FGF14: variants seen among roughly 807,000 people sequenced by gnomAD.
FGF14 encodes fibroblast growth factor homologous factor 4.
Under a neutral mutation model 25.5 loss-of-function variants are expected in FGF14, and 5 were observed. The ratio of observed to expected loss-of-function variants is 0.20; its 90% CI spans 0.10 to 0.41. FGF14 has a LOEUF of 0.41. Among genes scored for constraint, FGF14 ranks in the 10% least tolerant of loss-of-function variants. The pLI is 1.00. For missense variants in FGF14, 222 were observed against 320.1 expected (o/e 0.69, Z 2.34); for synonymous variants, 138 against 118.3 (o/e 1.17, Z -1.08).
intron 3 of FGF14, among the ~76,000 whole-genome samples, chr13:101,859,572 C>T (rs1404203589): frequency 2.0e-5 from 3 of 152,126 alleles, no homozygotes; most frequent in African/African-American, 7.2e-5. Flanking sequence ...TACTCCTCAG[C>T]ATATATTTAA....
At chr13:102,097,282 C>A (rs1289521020) in intron 1 of FGF14, among the ~76,000 whole-genome samples, 1 of 152,114 alleles carries the variant, frequency 6.6e-6, no homozygotes, top group Non-Finnish European at 1.5e-5. Context: ...GCAGAAAGAT[C>A]CAGAATTCAA....
chr13:101,889,739 G>A (rs1302157901), intron 1 of FGF14, among the ~76,000 whole-genome samples: 1 of 152,180 alleles, frequency 6.6e-6, no homozygotes, highest in Non-Finnish European at 1.5e-5. Flanking sequence ...TGCAATACAT[G>A]AAGAAAATCT....
chr13:102,202,662 C>A (rs1439164837), intron 1 of FGF14, among the ~76,000 whole-genome samples: 1 of 152,178 alleles, frequency 6.6e-6, no homozygotes, highest in Admixed American at 6.5e-5. Flanking sequence ...ATAATGAGAG[C>A]CTTCTCATCT....
intron 1 of FGF14, chr13:102,293,932 A>C (rs2054561506): frequency 6.6e-6 from 1 of 152,182 alleles, no homozygotes; most frequent in Admixed American, 6.6e-5. Context: ...ATGATACAAT[A>C]ATACACAAAT....
intron 1 of FGF14, among the ~76,000 whole-genome samples, chr13:102,184,122 C>T (rs2048787035): frequency 6.6e-6 from 1 of 152,122 alleles, no homozygotes; most frequent in South Asian, 2.1e-4. Context: ...CTGCTGTACT[C>T]GTAGACACAC....
chr13:102,061,822 C>T (rs2042701675), intron 1 of FGF14, among the ~76,000 whole-genome samples: 2 of 152,150 alleles, frequency 1.3e-5, no homozygotes, highest in Admixed American at 1.3e-4. Flanking sequence ...CTAGGGCACA[C>T]GGAGAGATCA....
intron 1 of FGF14, among the ~76,000 whole-genome samples, chr13:102,215,977 A>G (rs549360646): frequency 2.0e-5 from 3 of 152,350 alleles, no homozygotes; most frequent in African/African-American, 7.2e-5. Flanking sequence ...TAGATCCAGA[A>G]ATGTGAAATG....
chr13:102,104,391 A>G (rs1481237836), intron 1 of FGF14, among the ~76,000 whole-genome samples: 2 of 152,242 alleles, frequency 1.3e-5, no homozygotes, highest in African/African-American at 4.8e-5. Flanking sequence ...AAACCACAGT[A>G]TAACTTGCCA....
At chr13:102,223,149 C>T (rs1337409992) in intron 1 of FGF14, among the ~76,000 whole-genome samples, 6 of 152,142 alleles carry the variant, frequency 3.9e-5, no homozygotes, top group Admixed American at 3.3e-4. Flanking sequence ...GCTAAAGTCA[C>T]AAGTTCACAC....
intron 1 of FGF14, among the ~76,000 whole-genome samples, chr13:102,252,985 C>A (rs536660944): frequency 6.6e-6 from 1 of 152,300 alleles, no homozygotes; most frequent in Middle Eastern, 3.4e-3. Context: ...CATGTCCCTG[C>A]AAAGGACAAG....
At chr13:102,122,043 G>T (rs535504785) in intron 1 of FGF14, among the ~76,000 whole-genome samples, 1 of 152,156 alleles carries the variant, frequency 6.6e-6, no homozygotes. Flanking sequence ...TATTGTTTGT[G>T]ATTACACAAA....
chr13:102,048,007 T>G lies in FGF14; in HGVS notation c.209-172711A>C, dbSNP rs180834021. 2.5e-3 allele frequency among the ~76,000 whole-genome samples: 379 copies of G among 151,144 alleles called. 2 individuals carry two copies. The highest frequency in any genetic ancestry group is 2.9e-3 in the Non-Finnish European group (198 of 67,888). On this transcript the variant is annotated intron_variant, in intron 1 of 4. Coordinates refer to the FGF14 transcript ENST00000376131. Reference sequence around the variant, plus strand: ...GAGACTTTCTAAGCCCGGTTTATTATCTTAGTTGTTTAAAAAAAAAAAAAG... The same window carrying G: ...GAGACTTTCTAAGCCCGGTTTATTAGCTTAGTTGTTTAAAAAAAAAAAAAG...
rs532730454 is a variant in FGF14 at position 101,757,197 on chromosome 13, G to C, written c.409-30387C>G. Among the ~76,000 whole-genome samples, 28 of 152,034 alleles carry C rather than the reference G, an allele frequency of 1.8e-4. 1 individual carries two copies. In the South Asian group the frequency reaches 4.6e-3, roughly 25 times the overall value. On this transcript the variant is annotated intron_variant, in intron 3 of 4. Transcript: ENST00000376143. The stretch of plus-strand genomic sequence containing the variant: ...CATTTGGATTTTCTTTTTCTCCTTT[G>C]GTATCTAGAGAATATGTTTGTCTTA...
At chr13:101,852,145 T>C (rs1461237646) in intron 3 of FGF14, among the ~76,000 whole-genome samples, 1 of 152,134 alleles carries the variant, frequency 6.6e-6, no homozygotes, top group Non-Finnish European at 1.5e-5. Context: ...TTTACTAAAA[T>C]AATTACATCA....
intron 1 of FGF14, among the ~76,000 whole-genome samples, chr13:102,386,534 G>T (rs896356756): frequency 7.9e-5 from 12 of 152,122 alleles, no homozygotes; most frequent in African/African-American, 2.9e-4. Flanking sequence ...ACACTAAAAG[G>T]AAAAAGCATA....
rs147075546 is a variant in FGF14, at chr13:102,352,540, C to T, written c.208+48931G>A. On this transcript the variant is annotated intron_variant, in intron 1 of 4. Transcript: ENST00000376131. ...AAGATGTTAAGATATTGGCCGGGCG[C>T]GGTGGCTCACGCCTGTAATCCCAGC... 9.1e-3 allele frequency among the ~76,000 whole-genome samples: 1,390 copies of T among 152,198 alleles called. 20 individuals are homozygous for T. The highest frequency in any genetic ancestry group is 0.032 in the African/African-American group (1,322 of 41,512).
intron 1 of FGF14, among the ~76,000 whole-genome samples, chr13:102,192,440 T>G (rs1347555383): frequency 6.6e-6 from 1 of 152,216 alleles, no homozygotes; most frequent in East Asian, 1.9e-4. Context: ...TCCTGTTGTC[T>G]TCACCACAGG....
chr13:102,071,987 G>GA (rs1197865281), intron 1 of FGF14, among the ~76,000 whole-genome samples: 1 of 152,104 alleles, frequency 6.6e-6, no homozygotes, highest in Admixed American at 6.6e-5. Context: ...AAAGTAAATG[G>GA]AAAATATAAA....
At chr13:101,968,424 A>G (rs1278609347) in intron 1 of FGF14, among the ~76,000 whole-genome samples, 1 of 152,164 alleles carries the variant, frequency 6.6e-6, no homozygotes, top group Non-Finnish European at 1.5e-5. Context: ...CTGTAATCCC[A>G]GCACTTTGGG....
Sources: gnomAD v4.1 joint callset for allele counts (sites outside exome capture counted in the v4.1 genomes callset) on GRCh38, gnomAD v4.1.1 for gene constraint, MANE v1.5 for transcripts, NCBI Gene and HGNC (gene_info 2026-07-23, HGNC 2026-07-21) for gene names.